BCO1: variants seen among roughly 807,000 people sequenced by gnomAD.
BCO1 encodes beta-carotene oxygenase 1, also known as beta,beta-carotene 15,15'-dioxygenase.
In BCO1, 54 loss-of-function variants were observed where a neutral mutation model predicts 56.3. The observed-to-expected ratio is 0.96, with a 90% CI of 0.77 to 1.20. BCO1 has a LOEUF of 1.20. BCO1 is among the 50% of genes most tolerant of loss of function. BCO1 has a pLI of 0.00. For synonymous variants in BCO1, 318 were observed against 266.1 expected (o/e 1.20, Z -1.90); for missense variants, 801 against 690.9 (o/e 1.16, Z -1.79).
rs1180140180 is a variant in BCO1 at position 81,270,370 on chromosome 16, C to T, written c.1055C>T (p.Ser352Leu). ...QDFKENSRLT[S>L]VPTLRRFAVP... ...TTCAAGGAGAACTCCAGGCTCACCT[C>T]GGTCCCCACCCTCAGGAGGTTTGCC... is the stretch of plus-strand genomic sequence containing the variant. The change falls in exon 7 of 11, where the codon TCG becomes TTG. Residue 352 changes from serine (S) to leucine (L), a missense_variant. Physicochemically the swap from Ser to Leu is moderately radical, Grantham distance 145 (BLOSUM62 -2). Transcript: ENST00000258168. 1.2e-5 allele frequency: 20 copies of T among 1,614,014 alleles called. No individual in the cohort carries two copies. The highest frequency in any genetic ancestry group is 1.7e-5 in the Admixed American group (1 of 59,984).
chr16:81,258,921 G>T (rs1906309987), intron 2 of BCO1, among the ~76,000 whole-genome samples: 4 of 152,048 alleles, frequency 2.6e-5, no homozygotes, highest in Admixed American at 2.6e-4. Context: ...GGGGGAGCAG[G>T]CATGTCACAT....
At chr16:81,261,332 A>G (rs1055108389) in intron 3 of BCO1, among the ~76,000 whole-genome samples, 6 of 152,188 alleles carry the variant, frequency 3.9e-5, no homozygotes, top group Non-Finnish European at 7.3e-5. Flanking sequence ...TGCTTTGAGT[A>G]TACCTTCTGA....
intron 7 of BCO1, among the ~76,000 whole-genome samples, chr16:81,272,764 T>C (rs1907313972): frequency 6.6e-6 from 1 of 152,240 alleles, no homozygotes; most frequent in East Asian, 1.9e-4. Context: ...AAATGCAAGT[T>C]ATGTGCCAGG....
intron 1 of BCO1, among the ~76,000 whole-genome samples, chr16:81,241,937 T>G (rs1167640610): frequency 6.6e-6 from 1 of 152,192 alleles, no homozygotes; most frequent in African/African-American, 2.4e-5. Flanking sequence ...GCCTCAGTGT[T>G]CTTTTCTGTT....
chr16:81,290,398 C>T lies in BCO1; in HGVS notation c.1465C>T (p.Leu489=). The change falls in exon 11 of 11, where the codon CTG becomes TTG. Residue 489 remains leucine, a synonymous_variant. Coordinates refer to ENST00000258168, the MANE Select transcript of BCO1 (RefSeq NM_017429.3). ...TACTGATCCCCAAAAGCTGCCTTTT[C>T]TGCTCATTCTGGATGCCAAAAGCTT... ...VSTDPQKLPF[L]LILDAKSFTE... The T allele has an allele frequency of 2.5e-6, 4 of 1,614,208 alleles. No homozygotes were observed. The highest frequency in any genetic ancestry group is 3.4e-6 in the Non-Finnish European group (4 of 1,180,038).
intron 5 of BCO1, among the ~76,000 whole-genome samples, chr16:81,266,609 G>C (rs1906843265): frequency 6.6e-6 from 1 of 152,168 alleles, no homozygotes; most frequent in African/African-American, 2.4e-5. Flanking sequence ...TAGGGGTCAA[G>C]CTCAGAATCC....
intron 8 of BCO1, among the ~76,000 whole-genome samples, chr16:81,283,671 T>G (rs1188573078): frequency 6.6e-6 from 1 of 152,064 alleles, no homozygotes; most frequent in Non-Finnish European, 1.5e-5. Context: ...ATTTGTGGGA[T>G]TGGACATCTG....
rs1229147126 is a variant in BCO1 at position 81,260,957 on chromosome 16, G to C, written c.323+1152G>C. Among the ~76,000 whole-genome samples the C allele has an allele frequency of 2.0e-5, 3 of 152,204 alleles. No homozygotes were observed. The East Asian group carries it at 5.8e-4, about 29-fold the overall frequency. On this transcript the variant is annotated intron_variant, in intron 3 of 10. Coordinates refer to ENST00000258168, the MANE Select transcript of BCO1 (RefSeq NM_017429.3). The stretch of plus-strand genomic sequence containing the variant: ...GTAGAAGAGTTATGAAAGAGTTGAA[G>C]GGTGGACTGGCCCAGAGATGGAAGA...
chr16:81,248,445 C>A (rs953326332), intron 2 of BCO1, among the ~76,000 whole-genome samples: 1 of 145,974 alleles, frequency 6.9e-6, no homozygotes, highest in Admixed American at 6.8e-5. Flanking sequence ...CTATTAATTT[C>A]TTTTGAGCTA....
At position 81,265,555 on chromosome 16, in the gene BCO1, A is replaced by G. The variant is rs1024093250; in HGVS notation, c.619+768A>G. Among the ~76,000 whole-genome samples the G allele has an allele frequency of 3.0e-4, 38 of 126,638 alleles. 1 individual carries two copies. Among genetic ancestry groups the G allele is most frequent in the African/African-American group, 9.9e-4 (33 of 33,366 alleles). The allele number at this position is 126,638 out of a possible 152,430, so 83.1% of individuals were successfully genotyped here. ...CCATCAACCCATTCACTTACCCACC[A>G]TCCATCCATCCATTGAGCTTCCCAC... On this transcript the variant is annotated intron_variant, in intron 5 of 10. Transcript: ENST00000258168.
At chr16:81,279,294 C>T (rs1248386018) in intron 7 of BCO1, among the ~76,000 whole-genome samples, 1 of 151,952 alleles carries the variant, frequency 6.6e-6, no homozygotes. Context: ...AAAATAGAAG[C>T]TATCTTAGAA....
At chr16:81,284,317 GA>G (rs1384371277) in intron 8 of BCO1, among the ~76,000 whole-genome samples, 7 of 146,540 alleles carry the variant, frequency 4.8e-5, no homozygotes, top group African/African-American at 1.5e-4. Context: ...CATTTACAGA[GA>G]AAAAATAATA....
At chr16:81,255,510 A>T (rs8057984) in intron 2 of BCO1, among the ~76,000 whole-genome samples, 39,941 of 147,134 alleles carry the variant, frequency 0.27, 5,848 homozygotes, top group African/African-American at 0.42. Context: ...TTTATTTTTT[A>T]TTTTTTTGAG....
chr16:81,268,206 G>C, intron 6 of BCO1, 75 bp downstream of exon 6: 3 of 1,384,070 alleles, frequency 2.2e-6, no homozygotes, highest in Non-Finnish European at 3.0e-6. Flanking sequence ...GGAGGGTGAA[G>C]TTTAAGGCAA....
At chr16:81,250,299 C>A (rs1011693121) in intron 2 of BCO1, among the ~76,000 whole-genome samples, 2 of 152,176 alleles carry the variant, frequency 1.3e-5, no homozygotes, top group African/African-American at 2.4e-5. Flanking sequence ...CCTGTTTCCC[C>A]TTCCCACCAG....
At chr16:81,265,864 CATCCATCT>C (rs1219585460) in intron 5 of BCO1, among the ~76,000 whole-genome samples, 1 of 133,396 alleles carries the variant, frequency 7.5e-6, no homozygotes, top group Non-Finnish European at 1.6e-5. Context: ...ACCCACCATT[CATCCATCT>C]ATCCATCTAC....
intron 6 of BCO1, 49 bp downstream of exon 6, chr16:81,268,180 G>C (rs766472047): frequency 1.3e-6 from 2 of 1,542,832 alleles, no homozygotes. Flanking sequence ...TGACCATGGA[G>C]GGAGGCTGGT....
rs755940061 is a variant in BCO1 at position 81,280,997 on chromosome 16, G to C, written c.1207+35G>C. ...ATCCTCTTGTCCTGAGTTTAGGAAA[G>C]GGGCAGATTTTCACAGGGAGCCCAG... On this transcript the variant is annotated intron_variant, in intron 8 of 10. Coordinates refer to ENST00000258168, the MANE Select transcript of BCO1 (RefSeq NM_017429.3). 2.0e-6 allele frequency: 3 copies of C among 1,521,086 alleles called. No homozygotes were observed. The South Asian group carries it at 3.4e-5, about 17-fold the overall frequency. The allele number at this position is 1,521,086 out of a possible 1,614,324, so 94.2% of individuals were successfully genotyped here. A position where few individuals can be genotyped will look rare whatever the true frequency, so the allele number is the denominator to read the frequency against.
At chr16:81,265,758 G>C (rs60956596) in intron 5 of BCO1, among the ~76,000 whole-genome samples, 37,327 of 141,510 alleles carry the variant, frequency 0.26, 5,264 homozygotes, top group Middle Eastern at 0.43. Flanking sequence ...TACATGTTCT[G>C]CCATCCATCC....
Sources: gnomAD v4.1 joint callset for allele counts (sites outside exome capture counted in the v4.1 genomes callset) on GRCh38, gnomAD v4.1.1 for gene constraint, MANE v1.5 for transcripts, NCBI Gene and HGNC (gene_info 2026-07-23, HGNC 2026-07-21) for gene names.